PPP2R5D: variants seen among roughly 807,000 people sequenced by gnomAD.
The protein encoded by PPP2R5D is serine/threonine-protein phosphatase 2A 56 kDa regulatory subunit delta isoform.
A neutral mutation model predicts 79.1 loss-of-function variants in PPP2R5D; 12 were observed. That is an observed-to-expected ratio of 0.15 (90% CI 0.10 to 0.25). The LOEUF (loss-of-function observed/expected upper bound fraction) is 0.25. Among genes scored for constraint, PPP2R5D ranks in the 10% least tolerant of loss-of-function variants. The pLI is 1.00. For synonymous variants in PPP2R5D, 277 were observed against 286.6 expected (o/e 0.97, Z 0.34); for missense variants, 419 against 760.2 (o/e 0.55, Z 5.28).
At chr6:42,998,011 T>TAATATATATATATATA (rs1189100610) in intron 2 of PPP2R5D, among the ~76,000 whole-genome samples, 17 of 72,586 alleles carry the variant, frequency 2.3e-4, no homozygotes, top group African/African-American at 1.4e-3. Context: ...TATTTGGGTT[T>TAATATATATATATATA]TATTTATATA....
chr6:43,009,493 G>A lies in PPP2R5D; in HGVS notation c.1379+44G>A. 1 of 1,612,742 alleles carries A rather than the reference G, an allele frequency of 6.2e-7. No individual in the cohort carries two copies. Among genetic ancestry groups the A allele is most frequent in the Non-Finnish European group, 8.5e-7 (1 of 1,179,508 alleles). ...GCTGGGTGGTGGGGATCCAGTTTGG[G>A]AAACTTTGAGGGTATGGAAGAACTA... On this transcript the variant is annotated intron_variant, in intron 12 of 15. Transcript: ENST00000485511. This position sits in a 1 kb window ranked among gnomAD's most constrained non-coding sequence, Gnocchi z 5.6.
At chr6:42,984,747 C>T (rs776226951) in intron 1 of PPP2R5D, 43 bp downstream of exon 1, 2 of 1,610,348 alleles carry the variant, frequency 1.2e-6, no homozygotes, top group Middle Eastern at 1.7e-4. Context: ...TTGGAGCCTG[C>T]GCGGAGCTCT....
intron 2 of PPP2R5D, among the ~76,000 whole-genome samples, chr6:43,001,111 G>T (rs1008682482): frequency 1.3e-5 from 2 of 152,204 alleles, no homozygotes; most frequent in African/African-American, 4.8e-5. Flanking sequence ...CTTAAACTGA[G>T]TCTTGGAAGA....
At chr6:43,001,262 C>G (rs139954384) in intron 2 of PPP2R5D, among the ~76,000 whole-genome samples, 2,815 of 152,290 alleles carry the variant, frequency 0.018, 41 homozygotes, top group Middle Eastern at 0.048. Flanking sequence ...CTGCCTCAGC[C>G]TCCCGAGTAG....
intron 2 of PPP2R5D, among the ~76,000 whole-genome samples, chr6:42,999,350 G>A (rs934094275): frequency 2.6e-5 from 4 of 152,166 alleles, no homozygotes; most frequent in Non-Finnish European, 4.4e-5. Context: ...CAGGGGCTTC[G>A]CTGGCAGAAA....
chr6:43,000,759 C>G (rs1772126561), intron 2 of PPP2R5D, among the ~76,000 whole-genome samples: 1 of 152,170 alleles, frequency 6.6e-6, no homozygotes, highest in Non-Finnish European at 1.5e-5. Context: ...CTGTATAGCC[C>G]CCTGTTCTGA....
Position 43,004,276 on chromosome 6 carries a change from G to T in PPP2R5D, c.106-2187G>T, listed in dbSNP as rs189535720. ...GAGGTCAGGCAATCCACCTGCCTTG[G>T]CCTCCCAAAGTGCTGGGATTACAGG... On this transcript the variant is annotated intron_variant, in intron 2 of 15. Transcript: ENST00000485511. 9.7e-4 allele frequency among the ~76,000 whole-genome samples: 147 copies of T among 152,180 alleles called. 2 individuals carry two copies. Among genetic ancestry groups the T allele is most frequent in the Admixed American group, 9.4e-3 (143 of 15,280 alleles).
At chr6:43,003,291 G>A (rs1230939059) in intron 2 of PPP2R5D, among the ~76,000 whole-genome samples, 2 of 152,006 alleles carry the variant, frequency 1.3e-5, no homozygotes, top group Admixed American at 6.6e-5. Flanking sequence ...GCATGGTGGC[G>A]GGTGCCTGTA....
chr6:43,011,186 G>A lies in PPP2R5D; in HGVS notation c.1709G>A (p.Arg570Gln), dbSNP rs1025433427. The A allele has an allele frequency of 9.3e-6, 15 of 1,613,992 alleles. No individual in the cohort carries two copies. The African/African-American group carries it at 9.3e-5, about 10-fold the overall frequency. Residue 570 changes from arginine (R) to glutamine (Q), a missense_variant, in exon 16 of 16, where the codon CGG becomes CAG. Physicochemically the swap from Arg to Gln is conservative, Grantham distance 43. Transcript: ENST00000485511. ...ATCAAGAAGGAGAAAGTGCTGCTGC[G>A]GAGGAAGTCGGAGCTGCCCCAGGAC... is the stretch of plus-strand genomic sequence containing the variant. ...KDIKKEKVLL[R>Q]RKSELPQDVY... is the part of the protein sequence containing the mutation.
At position 43,008,282 on chromosome 6, in the gene PPP2R5D, C is replaced by G. The variant is rs1762194081; in HGVS notation, c.917+22C>G. 2 of 1,613,978 alleles carry G rather than the reference C, an allele frequency of 1.2e-6. No individual in the cohort carries two copies. The highest frequency in any genetic ancestry group is 1.7e-6 in the Non-Finnish European group (2 of 1,180,002). On this transcript the variant is annotated intron_variant, in intron 8 of 15. Coordinates refer to ENST00000485511, the MANE Select transcript of PPP2R5D (RefSeq NM_006245.4). This position sits in a 1 kb window ranked among gnomAD's most constrained non-coding sequence, Gnocchi z 4.2. ...GCAGGTGAGAGGCCGGGTGGGGGCA[C>G]AGATGCCTGAAAAAGGTTGGCAGGA...
At chr6:42,998,028 TATATATATATATATATATATATATATATA>T in intron 2 of PPP2R5D, among the ~76,000 whole-genome samples, 1 of 15,714 alleles carries the variant, frequency 6.4e-5, no homozygotes, top group Non-Finnish European at 1.7e-4. Flanking sequence ...TATATATATA[TATATATATATATATATATATATATATATA>T]TTTTTTTTTT....
rs1038292499 is a variant in PPP2R5D at position 43,006,356 on chromosome 6, C to G, written c.106-107C>G. The G allele has an allele frequency of 1.4e-6, 2 of 1,477,332 alleles. No homozygotes were observed. The highest frequency in any genetic ancestry group is 4.9e-5 in the East Asian group (2 of 40,428). The allele number at this position is 1,477,332 out of a possible 1,614,324, so 91.5% of individuals were successfully genotyped here. A position where few individuals can be genotyped will look rare whatever the true frequency, so the allele number is the denominator to read the frequency against. On this transcript the variant is annotated intron_variant, in intron 2 of 15. Coordinates refer to ENST00000485511, the MANE Select transcript of PPP2R5D (RefSeq NM_006245.4). The surrounding 1 kb of genome is among the most constrained non-coding windows in gnomAD (Gnocchi z 4.7). ...GCTCCTTCGGGGCAGGAGACAGCTG[C>G]TCACTGCCCAGGCCTGTGCAGGCAT... is the stretch of plus-strand genomic sequence containing the variant.
Position 43,011,682 on chromosome 6 carries a change from G to A in PPP2R5D, c.*396G>A, listed in dbSNP as rs544216650. 105 of 217,818 alleles carry A rather than the reference G, an allele frequency of 4.8e-4. No individual in the cohort carries two copies. The highest frequency in any genetic ancestry group is 8.1e-4 in the Non-Finnish European group (87 of 108,020). 13.5% of individuals were successfully genotyped at this position (217,818 alleles called of 1,614,324 possible). A position where few individuals can be genotyped will look rare whatever the true frequency, so the allele number is the denominator to read the frequency against. On this transcript the variant is annotated 3_prime_UTR_variant, in exon 16 of 16. Transcript: ENST00000485511. ...TCCCCTCCTCTCTCTCCCCTGCAGAGGCATGTAGGGAACAGCAGGAGATTA... is the reference window on the plus strand; with the variant it reads ...TCCCCTCCTCTCTCTCCCCTGCAGAAGCATGTAGGGAACAGCAGGAGATTA...
intron 1 of PPP2R5D, among the ~76,000 whole-genome samples, chr6:42,985,401 G>GC: frequency 6.6e-6 from 1 of 152,308 alleles, no homozygotes; most frequent in South Asian, 2.1e-4. Context: ...GGAGACTGAG[G>GC]CCCCGACAGG....
intron 2 of PPP2R5D, among the ~76,000 whole-genome samples, chr6:43,004,570 T>C (rs78966088): frequency 6.0e-5 from 1 of 16,530 alleles, no homozygotes; most frequent in South Asian, 1.6e-3. Flanking sequence ...CTTTTCCTAC[T>C]TTTTTTTTTT....
chr6:42,986,566 A>G (rs756166815), intron 1 of PPP2R5D, among the ~76,000 whole-genome samples: 1 of 151,986 alleles, frequency 6.6e-6, no homozygotes, highest in Non-Finnish European at 1.5e-5. Context: ...TGAGCTGGAC[A>G]GGGTTTTGTG....
intron 1 of PPP2R5D, among the ~76,000 whole-genome samples, chr6:42,988,055 G>A (rs943502959): frequency 2.0e-5 from 3 of 152,102 alleles, no homozygotes; most frequent in African/African-American, 2.4e-5. Flanking sequence ...TCAGGCCAAA[G>A]AAGGAACTCC....
Position 43,010,388 on chromosome 6 carries a change from CCT to C in PPP2R5D, c.1380-79_1380-78del, listed in dbSNP as rs1762293784. On this transcript the variant is annotated intron_variant, in intron 12 of 15. Transcript: ENST00000485511. The surrounding 1 kb of genome is among the most constrained non-coding windows in gnomAD (Gnocchi z 4.7). ...TGACAAAGCTCTTAGCAGAGATACC[CCT>C]GTGAGAGAACAAATTGGGTTCCTCA... 9.0e-7 allele frequency: 1 copy of C among 1,111,152 alleles called. No individual in the cohort carries two copies. The highest frequency in any genetic ancestry group is 1.4e-6 in the Non-Finnish European group (1 of 727,880). The allele number at this position is 1,111,152 out of a possible 1,614,324, so 68.8% of individuals were successfully genotyped here.
At position 43,007,689 on chromosome 6, in the gene PPP2R5D, A is replaced by G. The variant is rs150550748; in HGVS notation, c.726+183A>G. Among the ~76,000 whole-genome samples the G allele has an allele frequency of 4.1e-3, 627 of 152,344 alleles. 2 individuals are homozygous for G. Among genetic ancestry groups the G allele is most frequent in the African/African-American group, 0.014 (590 of 41,576 alleles). On this transcript the variant is annotated intron_variant, in intron 6 of 15. Transcript: ENST00000485511. The surrounding 1 kb of genome is among the most constrained non-coding windows in gnomAD (Gnocchi z 4.5). ...CCTACTCTGGCCTTAAGAAACTAAC[A>G]ACATAATGGTAGGAAACAAAAAAGC...
Sources: allele counts gnomAD v4.1 joint callset (sites outside exome capture counted in the v4.1 genomes callset), GRCh38; gene constraint gnomAD v4.1.1; non-coding constraint Gnocchi (gnomAD v3.1); transcripts MANE v1.5; gene names NCBI Gene and HGNC (gene_info 2026-07-23, HGNC 2026-07-21).